The following UBE2E2 variants were observed in gnomAD, a reference collection of about 807,000 sequenced individuals.
The protein encoded by UBE2E2 is ubiquitin conjugating enzyme E2 E2.
A neutral mutation model predicts 24.7 loss-of-function variants in UBE2E2; 6 were observed. The ratio of observed to expected loss-of-function variants is 0.24; its 90% CI spans 0.13 to 0.48. UBE2E2 has a LOEUF of 0.48. Among genes scored for constraint, UBE2E2 ranks in the 20% least tolerant of loss-of-function variants. The pLI is 0.99. For synonymous variants in UBE2E2, 104 were observed against 83.6 expected (o/e 1.24, Z -1.33); for missense variants, 169 against 245.0 (o/e 0.69, Z 2.07).
intron 3 of UBE2E2, among the ~76,000 whole-genome samples, chr3:23,494,960 A>G (rs11712012): frequency 0.1 from 15,230 of 151,930 alleles, 1,260 homozygotes; most frequent in Admixed American, 0.26. Flanking sequence ...TTTTTAGTAA[A>G]GATGGGGTTT....
chr3:23,239,458 G>T (rs559357266), intron 3 of UBE2E2, among the ~76,000 whole-genome samples: 8 of 151,868 alleles, frequency 5.3e-5, no homozygotes, highest in African/African-American at 1.4e-4. Flanking sequence ...CCAGCTTCTG[G>T]CAACCACGAA....
intron 3 of UBE2E2, among the ~76,000 whole-genome samples, chr3:23,297,495 A>T (rs1386971305): frequency 6.6e-6 from 1 of 152,194 alleles, no homozygotes; most frequent in Non-Finnish European, 1.5e-5. Context: ...TATAAGGTGT[A>T]AGGAAGGGAT....
At chr3:23,444,275 T>C (rs1661101125) in intron 3 of UBE2E2, among the ~76,000 whole-genome samples, 1 of 152,118 alleles carries the variant, frequency 6.6e-6, no homozygotes, top group African/African-American at 2.4e-5. Flanking sequence ...TCTTCCCCCA[T>C]TGTGTAGCTG....
intron 3 of UBE2E2, among the ~76,000 whole-genome samples, chr3:23,483,463 A>T (rs1455793175): frequency 6.6e-6 from 1 of 152,218 alleles, no homozygotes; most frequent in Non-Finnish European, 1.5e-5. Context: ...CCTTTTTTAC[A>T]GATAAGAGAA....
At chr3:23,508,930 C>T (rs1694520159) in intron 4 of UBE2E2, among the ~76,000 whole-genome samples, 1 of 152,160 alleles carries the variant, frequency 6.6e-6, no homozygotes, top group African/African-American at 2.4e-5. Context: ...GTTCAACTCA[C>T]TTACCAAAGA....
chr3:23,346,419 C>T (rs1254092644), intron 3 of UBE2E2, among the ~76,000 whole-genome samples: 3 of 152,188 alleles, frequency 2.0e-5, no homozygotes, highest in Non-Finnish European at 4.4e-5. Flanking sequence ...CATTTTCTCA[C>T]CTGTTAAGGC....
intron 3 of UBE2E2, among the ~76,000 whole-genome samples, chr3:23,462,031 A>G (rs953423763): frequency 3.9e-5 from 6 of 152,152 alleles, no homozygotes; most frequent in Non-Finnish European, 7.4e-5. Context: ...ATATCCCACT[A>G]TGGAATTTAT....
Position 23,558,219 on chromosome 3 carries a change from A to G in UBE2E2, c.508+25518A>G, listed in dbSNP as rs4858513. On this transcript the variant is annotated intron_variant, in intron 5 of 5. Transcript: ENST00000396703. ...ACTTCAAACTAGTCTCAAACTTAAC[A>G]TAATTGATCTGCATGTTTCATTCTC... Among the ~76,000 whole-genome samples the G allele has an allele frequency of 7.0e-3, 1,058 of 152,206 alleles. 32 individuals carry two copies. The highest frequency in any genetic ancestry group is 0.047 in the East Asian group (244 of 5,180).
At chr3:23,472,425 C>T (rs927571669) in intron 3 of UBE2E2, among the ~76,000 whole-genome samples, 1 of 152,116 alleles carries the variant, frequency 6.6e-6, no homozygotes, top group Non-Finnish European at 1.5e-5. Context: ...TCCTGGCCAC[C>T]GACAAGGGGT....
intron 3 of UBE2E2, among the ~76,000 whole-genome samples, chr3:23,418,923 C>CCATT (rs1559378229): frequency 6.6e-6 from 1 of 151,354 alleles, no homozygotes; most frequent in Non-Finnish European, 1.5e-5. Flanking sequence ...CCCACCTGTT[C>CCATT]CAGTCTTTCT....
intron 3 of UBE2E2, among the ~76,000 whole-genome samples, chr3:23,263,864 C>T (rs1320170449): frequency 6.6e-6 from 1 of 152,102 alleles, no homozygotes; most frequent in Non-Finnish European, 1.5e-5. Flanking sequence ...GGCGAAACTG[C>T]ATAGGTCAGT....
intron 3 of UBE2E2, among the ~76,000 whole-genome samples, chr3:23,308,881 G>A (rs145236647): frequency 1.1e-4 from 17 of 152,304 alleles, no homozygotes; most frequent in African/African-American, 4.1e-4. Flanking sequence ...TAAGGCTAAA[G>A]ACCTGAAATC....
At chr3:23,237,048 T>C (rs1416837021) in intron 3 of UBE2E2, among the ~76,000 whole-genome samples, 1 of 152,188 alleles carries the variant, frequency 6.6e-6, no homozygotes, top group East Asian at 1.9e-4. Flanking sequence ...AGAGACTGGC[T>C]AGACTACGTA....
rs187409678 is a variant in UBE2E2, at chr3:23,590,888, G to A, written c.*1057G>A. On this transcript the variant is annotated 3_prime_UTR_variant, in exon 6 of 6. Coordinates refer to ENST00000396703, the MANE Select transcript of UBE2E2 (RefSeq NM_152653.4). ...GCCTTCTTGTGAAAGTGAAGTCTGA[G>A]CTAATCATTGTGTTCAGCCACTTTC... 2 of 152,300 alleles carry A rather than the reference G, an allele frequency of 1.3e-5. No individual in the cohort carries two copies. Among genetic ancestry groups the A allele is most frequent in the East Asian group, 3.9e-4 (2 of 5,188 alleles). 9.4% of individuals were successfully genotyped at this position (152,300 alleles called of 1,614,324 possible). A position where few individuals can be genotyped will look rare whatever the true frequency, so the allele number is the denominator to read the frequency against.
intron 1 of UBE2E2, chr3:23,204,819 A>G (rs1010753321): frequency 5.5e-6 from 5 of 910,158 alleles, no homozygotes; most frequent in African/African-American, 5.4e-5. Flanking sequence ...GTTTAGAAAC[A>G]TGAGTAGGAA....
At chr3:23,307,600 ATGAGT>A (rs1699271347) in intron 3 of UBE2E2, among the ~76,000 whole-genome samples, 1 of 152,172 alleles carries the variant, frequency 6.6e-6, no homozygotes, top group East Asian at 1.9e-4. Flanking sequence ...AATTGAAACC[ATGAGT>A]TGAGTTCAGC....
chr3:23,209,620 A>G (rs531637525), intron 2 of UBE2E2, among the ~76,000 whole-genome samples: 2 of 152,372 alleles, frequency 1.3e-5, no homozygotes, highest in East Asian at 1.9e-4. Context: ...GGAAGTATAC[A>G]TAAAAGCGAT....
At chr3:23,306,191 C>T (rs114950613) in intron 3 of UBE2E2, among the ~76,000 whole-genome samples, 4,372 of 152,244 alleles carry the variant, frequency 0.029, 107 homozygotes, top group East Asian at 0.13. Context: ...GATTGAAAAT[C>T]AACTGCTTTG....
Position 23,428,381 on chromosome 3 carries a change from G to A in UBE2E2, c.228-71227G>A, listed in dbSNP as rs988825297. On this transcript the variant is annotated intron_variant, in intron 3 of 5. Transcript: ENST00000396703. ...AAACACAGCCTATCAGAATTTGTGGGATGCAACGAAAACAGTGTTTAGAAG... is the reference window on the plus strand; with the variant it reads ...AAACACAGCCTATCAGAATTTGTGGAATGCAACGAAAACAGTGTTTAGAAG... Among the ~76,000 whole-genome samples, 13 of 152,252 alleles carry A rather than the reference G, an allele frequency of 8.5e-5. No homozygotes were observed. The East Asian group carries it at 1.9e-3, about 23-fold the overall frequency.
Sources: allele counts gnomAD v4.1 joint callset (sites outside exome capture counted in the v4.1 genomes callset), GRCh38; gene constraint gnomAD v4.1.1; transcripts MANE v1.5; gene names NCBI Gene and HGNC (gene_info 2026-07-23, HGNC 2026-07-21).